Variants in UNC13A observed in about 807,000 individuals in gnomAD.
UNC13A encodes unc-13 homolog A, also known as protein unc-13 homolog A.
Under a neutral mutation model 219.7 loss-of-function variants are expected in UNC13A, and 61 were observed. The ratio of observed to expected loss-of-function variants is 0.28; its 90% CI spans 0.23 to 0.34. The LOEUF (loss-of-function observed/expected upper bound fraction) is 0.34. UNC13A is among the 10% of genes least tolerant of loss of function. The pLI is 1.00. For missense variants in UNC13A, 1,476 were observed against 2,270.3 expected, an observed-to-expected ratio of 0.65 and a Z score of 7.11; for synonymous variants, 920 against 884.6, an observed-to-expected ratio of 1.04 and a Z score of -0.71.
chr19:17,675,644 A>G (rs56340206), intron 2 of UNC13A, among the ~76,000 whole-genome samples: 24,525 of 145,610 alleles, frequency 0.17, 2,272 homozygotes, highest in South Asian at 0.23. Flanking sequence ...AAAAAAAAAA[A>G]AAGAAGAAGA....
intron 1 of UNC13A, among the ~76,000 whole-genome samples, chr19:17,686,226 C>T (rs1220300691): frequency 7.3e-6 from 1 of 137,636 alleles, no homozygotes; most frequent in Non-Finnish European, 1.5e-5. Context: ...CTCTTGCCTC[C>T]TGCTGCCCCC....
At chr19:17,621,650 G>A (rs897919272) in intron 37 of UNC13A, among the ~76,000 whole-genome samples, 182 bp downstream of exon 37, 2 of 151,966 alleles carry the variant, frequency 1.3e-5, no homozygotes, top group Admixed American at 6.6e-5. Context: ...CACACTGCAC[G>A]TTCTGTCCCT....
chr19:17,626,833 A>G, intron 33 of UNC13A, 48 bp from the exon 34 acceptor site: 1 of 1,573,476 alleles, frequency 6.4e-7, no homozygotes. Flanking sequence ...GGGCTGGATG[A>G]GGACACAGAT....
intron 35 of UNC13A, 84 bp downstream of exon 35, chr19:17,624,745 C>T (rs2076764746): frequency 6.6e-7 from 1 of 1,505,860 alleles, no homozygotes; most frequent in Non-Finnish European, 8.9e-7. Context: ...TTGTTCTTAC[C>T]CCCCAGCCTC....
chr19:17,674,683 C>T lies in UNC13A; in HGVS notation c.126G>A (p.Gln42=). 6.2e-7 allele frequency: 1 copy of T among 1,613,948 alleles called. No homozygotes were observed. The highest frequency in any genetic ancestry group is 8.5e-7 in the Non-Finnish European group (1 of 1,179,880). The change falls in exon 3 of 44, where the codon CAG becomes CAA. Residue 42 remains glutamine (Q), a synonymous_variant. Transcript: ENST00000519716. This position sits in a 1 kb window ranked among gnomAD's most constrained non-coding sequence, Gnocchi z 5.0. ...ACATGAAATCCTGCTCCCAGCTGGG[C>T]TGGCTGCCCCGCACCGCGATGGTCG... ...KSTTIAVRGS[Q]PSWEQDFMFE...
intron 28 of UNC13A, among the ~76,000 whole-genome samples, chr19:17,631,081 TTCC>T (rs2076840739): frequency 1.1e-5 from 1 of 93,734 alleles, no homozygotes. Context: ...CCCTCCTTCC[TTCC>T]TTCCTTCCTT....
intron 8 of UNC13A, 49 bp downstream of exon 8, chr19:17,663,483 C>A: frequency 6.2e-7 from 1 of 1,604,494 alleles, no homozygotes; most frequent in Non-Finnish European, 8.5e-7. Context: ...CACCAAGGTG[C>A]CCACCTTCCC....
intron 8 of UNC13A, among the ~76,000 whole-genome samples, chr19:17,660,728 C>T (rs1205473588): frequency 3.3e-5 from 5 of 151,634 alleles, no homozygotes; most frequent in Admixed American, 6.6e-5. Flanking sequence ...GATGGGGTTT[C>T]GTCACGTTGG....
At chr19:17,636,247 G>T in intron 25 of UNC13A, 90 bp from the exon 26 acceptor site, 1 of 1,409,624 alleles carries the variant, frequency 7.1e-7, no homozygotes, top group Non-Finnish European at 9.5e-7. Flanking sequence ...GGTTTTAGAG[G>T]AATGCATCCC....
At chr19:17,661,349 A>C (rs183755995) in intron 8 of UNC13A, among the ~76,000 whole-genome samples, 87 of 152,158 alleles carry the variant, frequency 5.7e-4, no homozygotes, top group African/African-American at 1.7e-3. Context: ...ATGAGGAAGG[A>C]GTGAAGGACT....
Position 17,649,607 on chromosome 19 carries a change from A to G in UNC13A, c.1440-20T>C. On this transcript the variant is annotated intron_variant, in intron 12 of 43. Coordinates refer to ENST00000519716, the MANE Select transcript of UNC13A (RefSeq NM_001080421.3). This position sits in a 1 kb window ranked among gnomAD's most constrained non-coding sequence, Gnocchi z 4.4. ...CCTGGGCTGAAAGACACAGAGGGACACTGAGGGCCCAGATGTCCCTATTCC... is the reference window on the plus strand; with the variant it reads ...CCTGGGCTGAAAGACACAGAGGGACGCTGAGGGCCCAGATGTCCCTATTCC... 2.5e-6 allele frequency: 4 copies of G among 1,613,630 alleles called. No homozygotes were observed. Among genetic ancestry groups the G allele is most frequent in the Non-Finnish European group, 3.4e-6 (4 of 1,179,674 alleles).
intron 35 of UNC13A, among the ~76,000 whole-genome samples, chr19:17,623,855 C>T (rs2076755411): frequency 6.6e-6 from 1 of 152,176 alleles, no homozygotes; most frequent in Admixed American, 6.5e-5. Flanking sequence ...CGGAGGGACC[C>T]ACGCCCAGCT....
intron 35 of UNC13A, among the ~76,000 whole-genome samples, chr19:17,623,880 A>C (rs1423278185): frequency 6.6e-6 from 1 of 151,836 alleles, no homozygotes; most frequent in Non-Finnish European, 1.5e-5. Flanking sequence ...CCCTCTACAG[A>C]TGTTTGGGTC....
In UNC13A at chr19:17,613,323, C is replaced by T. The variant is rs115127959; in HGVS notation, c.4559-1468G>A. Among the ~76,000 whole-genome samples, 6 of 152,082 alleles carry T rather than the reference C, an allele frequency of 3.9e-5. No homozygotes were observed. The East Asian group carries it at 5.8e-4, about 15-fold the overall frequency. On this transcript the variant is annotated intron_variant, in intron 41 of 43. Coordinates refer to ENST00000519716, the MANE Select transcript of UNC13A (RefSeq NM_001080421.3). ...ATCTAGGAGGCTGAGGCAGGAGGAT[C>T]GCTTAATCCCAGCTGGTTGAGGCTG...
chr19:17,654,018 G>T (rs111736282), intron 11 of UNC13A, among the ~76,000 whole-genome samples: 1 of 151,182 alleles, frequency 6.6e-6, no homozygotes. Context: ...CACTAGAGAC[G>T]GGGTTTCACC....
intron 1 of UNC13A, among the ~76,000 whole-genome samples, chr19:17,676,886 C>A (rs545574710): frequency 1.3e-5 from 2 of 152,214 alleles, no homozygotes; most frequent in South Asian, 4.2e-4. Context: ...TGGTGGCAGG[C>A]GCCTATAGTC....
At chr19:17,633,073 GGC>G in intron 27 of UNC13A, 33 bp downstream of exon 27, 1 of 1,611,878 alleles carries the variant, frequency 6.2e-7, no homozygotes, top group Non-Finnish European at 8.5e-7. Flanking sequence ...CACCTGGTGT[GGC>G]CAGGCTGGGG....
intron 12 of UNC13A, among the ~76,000 whole-genome samples, chr19:17,651,391 T>A (rs1439340065): frequency 6.6e-6 from 1 of 151,928 alleles, no homozygotes; most frequent in African/African-American, 2.4e-5. Context: ...ACCTGGCTAA[T>A]TTTTTGTATA....
intron 26 of UNC13A, 103 bp downstream of exon 26, chr19:17,635,921 C>T (rs1260296953): frequency 1.1e-5 from 15 of 1,412,744 alleles, no homozygotes; most frequent in South Asian, 3.0e-5. Flanking sequence ...CCCAGGTGCA[C>T]ATTTGTGTAA....
Sources: gnomAD v4.1 joint callset for allele counts (sites outside exome capture counted in the v4.1 genomes callset) on GRCh38, gnomAD v4.1.1 for gene constraint, Gnocchi (gnomAD v3.1) non-coding constraint, MANE v1.5 for transcripts, NCBI Gene and HGNC (gene_info 2026-07-23, HGNC 2026-07-21) for gene names.